The following LRRC28 variants were observed in gnomAD, a reference collection of about 807,000 sequenced individuals.
The protein encoded by LRRC28 is leucine rich repeat containing 28, also known as leucine-rich repeat-containing protein 28.
Under a neutral mutation model 45.7 loss-of-function variants are expected in LRRC28, and 39 were observed. The observed-to-expected ratio is 0.85, with a 90% CI of 0.66 to 1.12. LRRC28 has a LOEUF of 1.12. Among genes scored for constraint, LRRC28 ranks in the 50% most tolerant of loss-of-function variants. The pLI, the probability that LRRC28 is intolerant of heterozygous loss-of-function variation, is 0.00. For missense variants in LRRC28, 435 were observed against 438.5 expected, an observed-to-expected ratio of 0.99 and a Z score of 0.07; for synonymous variants, 206 against 178.8, an observed-to-expected ratio of 1.15 and a Z score of -1.22.
chr15:99,357,768 A>C (rs1005076610), intron 7 of LRRC28, among the ~76,000 whole-genome samples: 1 of 152,170 alleles, frequency 6.6e-6, no homozygotes, highest in Non-Finnish European at 1.5e-5. Flanking sequence ...TATTAAAGAA[A>C]AACACAATTA....
rs554242353 is a variant in LRRC28, at chr15:99,287,210, A to G, written c.210-47A>G. 46 of 1,490,630 alleles carry G rather than the reference A, an allele frequency of 3.1e-5. 1 individual carries two copies. The East Asian group carries it at 5.8e-4, about 19-fold the overall frequency. The allele number at this position is 1,490,630 out of a possible 1,614,324, so 92.3% of individuals were successfully genotyped here. A position where few individuals can be genotyped will look rare whatever the true frequency, so the allele number is the denominator to read the frequency against. ...GCATTTTATAAACTGATTATCTGGC[A>G]AAAGTACTTAATGATAATGGCTGTT... On this transcript the variant is annotated intron_variant, in intron 3 of 9. Transcript: ENST00000301981.
chr15:99,375,870 A>G (rs1324463580), intron 9 of LRRC28, among the ~76,000 whole-genome samples: 1 of 151,986 alleles, frequency 6.6e-6, no homozygotes, highest in Non-Finnish European at 1.5e-5. Context: ...GTCTTGGTCA[A>G]GATTTATCAG....
intron 9 of LRRC28, among the ~76,000 whole-genome samples, chr15:99,364,219 T>C (rs1719612836): frequency 1.3e-5 from 2 of 152,194 alleles, no homozygotes; most frequent in South Asian, 4.1e-4. Context: ...GCTGTGGGAC[T>C]TCTCAAAATG....
At chr15:99,336,209 T>A (rs953807093) in intron 6 of LRRC28, among the ~76,000 whole-genome samples, 1 of 152,224 alleles carries the variant, frequency 6.6e-6, no homozygotes, top group African/African-American at 2.4e-5. Context: ...ATACATATGC[T>A]CACTAATTTA....
chr15:99,273,164 C>T (rs1177881000), intron 2 of LRRC28, among the ~76,000 whole-genome samples: 1 of 152,176 alleles, frequency 6.6e-6, no homozygotes, highest in Admixed American at 6.5e-5. Context: ...GTGTCAGTCA[C>T]AGCCTGTGCA....
At chr15:99,339,362 G>A (rs779107452) in intron 6 of LRRC28, among the ~76,000 whole-genome samples, 19 of 152,154 alleles carry the variant, frequency 1.2e-4, no homozygotes, top group Non-Finnish European at 2.4e-4. Context: ...AGTAACTTCT[G>A]TAGTTTAAGA....
chr15:99,386,065 C>A lies in LRRC28; in HGVS notation c.1067C>A (p.Ser356Tyr). Residue 356 changes from serine (S) to tyrosine (Y), a missense_variant, in exon 10 of 10, where the codon TCC becomes TAC. Transcript: ENST00000301981. ...TTVSFVAYCC[S>Y]TQCLQTFDLL... is the part of the protein sequence containing the mutation. ...GTTAGTTTTGTGGCTTACTGCTGCTCCACCCAGTGTCTGCAGACTTTTGAC... is the reference window on the plus strand; with the variant it reads ...GTTAGTTTTGTGGCTTACTGCTGCTACACCCAGTGTCTGCAGACTTTTGAC... 1 of 1,614,164 alleles carries A rather than the reference C, an allele frequency of 6.2e-7. No homozygotes were observed. Among genetic ancestry groups the A allele is most frequent in the South Asian group, 1.1e-5 (1 of 91,080 alleles).
At chr15:99,368,318 T>G (rs150720573) in intron 9 of LRRC28, among the ~76,000 whole-genome samples, 206 of 152,270 alleles carry the variant, frequency 1.4e-3, no homozygotes, top group African/African-American at 4.0e-3. Flanking sequence ...GCATGTAATG[T>G]TGGGACAGGA....
At chr15:99,315,441 A>G (rs1955559325) in intron 5 of LRRC28, among the ~76,000 whole-genome samples, 1 of 152,146 alleles carries the variant, frequency 6.6e-6, no homozygotes, top group Non-Finnish European at 1.5e-5. Flanking sequence ...GAAAGTCACT[A>G]CTACTATCCT....
chr15:99,349,476 A>G (rs560030593), intron 6 of LRRC28, among the ~76,000 whole-genome samples: 1 of 152,246 alleles, frequency 6.6e-6, no homozygotes, highest in African/African-American at 2.4e-5. Flanking sequence ...GAAACCATGT[A>G]AACACTAGAA....
At chr15:99,325,881 C>T (rs562276453) in intron 5 of LRRC28, among the ~76,000 whole-genome samples, 31 of 152,160 alleles carry the variant, frequency 2.0e-4, no homozygotes, top group African/African-American at 5.3e-4. Context: ...AGGGAAGGAC[C>T]GCCATCTGAC....
At chr15:99,284,839 C>T (rs182357283) in intron 3 of LRRC28, 13 of 555,084 alleles carry the variant, frequency 2.3e-5, no homozygotes, top group African/African-American at 2.3e-4. Flanking sequence ...CCATCATTAC[C>T]AAATCCATTG....
In LRRC28 at chr15:99,387,691, T is replaced by C. The variant is rs969813761; in HGVS notation, c.*1589T>C. 2 of 152,212 alleles carry C rather than the reference T, an allele frequency of 1.3e-5. No individual in the cohort carries two copies. Among genetic ancestry groups the C allele is most frequent in the African/African-American group, 4.8e-5 (2 of 41,444 alleles). The allele number at this position is 152,212 out of a possible 1,614,324, so 9.4% of individuals were successfully genotyped here. On this transcript the variant is annotated 3_prime_UTR_variant, in exon 10 of 10. Coordinates refer to ENST00000301981, the MANE Select transcript of LRRC28 (RefSeq NM_144598.5). ...GCTTGCTGTGAAGTGATTCTTTTTTTAAAATGTTTTTTAATGATGTAAGTT... is the reference window on the plus strand; with the variant it reads ...GCTTGCTGTGAAGTGATTCTTTTTTCAAAATGTTTTTTAATGATGTAAGTT...
At chr15:99,315,604 T>A (rs1429588895) in intron 5 of LRRC28, among the ~76,000 whole-genome samples, 1 of 152,224 alleles carries the variant, frequency 6.6e-6, no homozygotes, top group African/African-American at 2.4e-5. Flanking sequence ...TTTTTCTTTT[T>A]AATTTTTTCC....
chr15:99,316,444 A>G (rs974972405), intron 5 of LRRC28, among the ~76,000 whole-genome samples: 10 of 152,182 alleles, frequency 6.6e-5, no homozygotes, highest in African/African-American at 2.4e-4. Context: ...ATAAGGAACT[A>G]GAGAAATGGG....
rs916764676 is a variant in LRRC28 at position 99,388,687 on chromosome 15, A to T, written c.*2585A>T. On this transcript the variant is annotated 3_prime_UTR_variant, in exon 10 of 10. Coordinates refer to ENST00000301981, the MANE Select transcript of LRRC28 (RefSeq NM_144598.5). ...AAGCTTTGCAGAAAAGCAAATCTGA[A>T]GTTATTATATATGTTGTTTTCTTGA... The T allele has an allele frequency of 6.6e-6, 1 of 152,246 alleles. No homozygotes were observed. Among genetic ancestry groups the T allele is most frequent in the African/African-American group, 2.4e-5 (1 of 41,466 alleles). 9.4% of individuals were successfully genotyped at this position (152,246 alleles called of 1,614,324 possible). A position where few individuals can be genotyped will look rare whatever the true frequency, so the allele number is the denominator to read the frequency against.
chr15:99,357,456 G>A (rs1278653862), intron 7 of LRRC28, among the ~76,000 whole-genome samples: 1 of 152,198 alleles, frequency 6.6e-6, no homozygotes, highest in Non-Finnish European at 1.5e-5. Flanking sequence ...AATTCCAGAA[G>A]TATAATGTTG....
intron 9 of LRRC28, among the ~76,000 whole-genome samples, chr15:99,373,293 T>C (rs1370546934): frequency 6.6e-6 from 1 of 152,204 alleles, no homozygotes; most frequent in Non-Finnish European, 1.5e-5. Flanking sequence ...AATTGTGATT[T>C]ATTCAAATGT....
chr15:99,336,752 T>C (rs1956337146), intron 6 of LRRC28, among the ~76,000 whole-genome samples: 1 of 152,180 alleles, frequency 6.6e-6, no homozygotes, highest in Admixed American at 6.5e-5. Context: ...GTTATCTAGG[T>C]CTGTCTTGGT....
Sources: allele counts gnomAD v4.1 joint callset (sites outside exome capture counted in the v4.1 genomes callset), GRCh38; gene constraint gnomAD v4.1.1; transcripts MANE v1.5; gene names NCBI Gene and HGNC (gene_info 2026-07-23, HGNC 2026-07-21).